The following HSPG2 variants were observed in gnomAD, a reference collection of about 807,000 sequenced individuals.
The protein encoded by HSPG2 is heparan sulfate proteoglycan 2, also known as basement membrane-specific heparan sulfate proteoglycan core protein.
A neutral mutation model predicts 526.6 loss-of-function variants in HSPG2; 278 were observed. The ratio of observed to expected loss-of-function variants is 0.53; its 90% CI spans 0.48 to 0.58. The LOEUF (loss-of-function observed/expected upper bound fraction) is 0.58. Ranked by LOEUF, HSPG2 falls within the 20% of genes least tolerant of loss-of-function variation. The pLI is 0.00. For synonymous variants in HSPG2, 2,465 were observed against 2,555.4 expected (o/e 0.96, Z 1.07); for missense variants, 5,354 against 6,099.5 (o/e 0.88, Z 4.07).
intron 50 of HSPG2, 73 bp downstream of exon 50, chr1:21,854,120 T>A: frequency 6.8e-7 from 1 of 1,465,614 alleles, no homozygotes; most frequent in Non-Finnish European, 9.2e-7. Context: ...CTGGTCCCAC[T>A]GAAGAAGCCA....
At chr1:21,920,638 T>C (rs2152797389) in intron 1 of HSPG2, among the ~76,000 whole-genome samples, 1 of 152,374 alleles carries the variant, frequency 6.6e-6, no homozygotes, top group Admixed American at 6.5e-5. Flanking sequence ...GCCTGCCTGC[T>C]TCACACATTC....
At position 21,838,997 on chromosome 1, in the gene HSPG2, G is replaced by A. The variant is rs2098038091; in HGVS notation, c.9978C>T (p.Pro3326=). 3 of 1,610,312 alleles carry A rather than the reference G, an allele frequency of 1.9e-6. No homozygotes were observed. The highest frequency in any genetic ancestry group is 2.5e-6 in the Non-Finnish European group (3 of 1,177,216). Residue 3326 remains proline (P), a synonymous_variant, in exon 74 of 97, where the codon CCC becomes CCT. Coordinates refer to ENST00000374695, the MANE Select transcript of HSPG2 (RefSeq NM_005529.7). ...CGCGGCTCCACTGGAAGGTGAGTGG[G>A]GGTGTCCCGTGAGCCAGGCACTGGA... ...VQLQCLAHGT[P]PLTFQWSRVG...
At position 21,843,297 on chromosome 1, in the gene HSPG2, C is replaced by A. The variant is rs775585114; in HGVS notation, c.8758G>T (p.Ala2920Ser). 8 of 1,614,000 alleles carry A rather than the reference C, an allele frequency of 5.0e-6. No homozygotes were observed. In the East Asian group the frequency reaches 6.7e-5, roughly 13 times the overall value. The change falls in exon 66 of 97, where the codon GCT becomes TCT. Residue 2920 changes from alanine (A) to serine (S), a missense_variant and splice_region_variant. Ala to Ser is a moderately conservative substitution (Grantham distance 99). Transcript: ENST00000374695. ...IEPSSPGPIP[A>S]PGLAQPIYIE... is the part of the protein sequence containing the mutation. ...TCGCCCACTGCTCCCTATCACTCAC[C>A]AGGAATGGGTCCTGGGCTGGAGGGC...
chr1:21,892,640 C>T (rs1642447778), intron 3 of HSPG2, among the ~76,000 whole-genome samples: 2 of 152,146 alleles, frequency 1.3e-5, no homozygotes, highest in African/African-American at 2.4e-5. Context: ...TTTGGGAGGC[C>T]GAGGCCGGCA....
At chr1:21,892,151 G>A (rs966470143) in intron 3 of HSPG2, among the ~76,000 whole-genome samples, 2 of 152,260 alleles carry the variant, frequency 1.3e-5, no homozygotes, top group Non-Finnish European at 2.9e-5. Context: ...CTTGCTCTGT[G>A]GCTCAGGTGA....
Position 21,895,522 on chromosome 1 carries a change from C to T in HSPG2, c.244+400G>A, listed in dbSNP as rs1572395149. Among the ~76,000 whole-genome samples the T allele has an allele frequency of 6.6e-6, 1 of 152,344 alleles. No homozygotes were observed. On this transcript the variant is annotated intron_variant, in intron 3 of 96. Coordinates refer to ENST00000374695, the MANE Select transcript of HSPG2 (RefSeq NM_005529.7). The surrounding 1 kb of genome is among the most constrained non-coding windows in gnomAD (Gnocchi z 4.1). The stretch of plus-strand genomic sequence containing the variant: ...CTGAATGCCCGATTCCACAGAGCCC[C>T]TCTGTTCCACTTGTCTTTGCCTGGG...
intron 1 of HSPG2, among the ~76,000 whole-genome samples, chr1:21,918,567 T>C (rs1643945268): frequency 6.6e-6 from 1 of 152,144 alleles, no homozygotes; most frequent in African/African-American, 2.4e-5. Context: ...GCCATATACT[T>C]GACAAACATT....
intron 26 of HSPG2, 59 bp from the exon 27 acceptor site, chr1:21,874,788 G>T (rs1640916418): frequency 6.6e-7 from 1 of 1,504,462 alleles, no homozygotes. Context: ...TCAGGTAGGG[G>T]CACTGGATGG....
At chr1:21,860,057 T>C in intron 40 of HSPG2, 55 bp from the exon 41 acceptor site, 2 of 1,601,024 alleles carry the variant, frequency 1.2e-6, no homozygotes, top group Non-Finnish European at 1.7e-6. Flanking sequence ...TCAATATCTC[T>C]GCTCTCCCAA....
chr1:21,905,277 A>G (rs1035752601), intron 1 of HSPG2, among the ~76,000 whole-genome samples: 1 of 143,844 alleles, frequency 7.0e-6, no homozygotes, highest in Non-Finnish European at 1.5e-5. Context: ...ACACACACAC[A>G]CACGCCACGC....
At position 21,880,672 on chromosome 1, in the gene HSPG2, T is replaced by C; in HGVS notation, c.1982A>G (p.Gln661Arg). The change falls in exon 15 of 97, where the codon CAG becomes CGG. Residue 661 changes from glutamine to arginine, a missense_variant. Transcript: ENST00000374695. The part of the protein sequence containing the change: ...PTQPGALNQR[Q>R]VQFSEEHWVH... Reference sequence around the variant, plus strand: ...GCCACCCACCTCAGAGAACTGGACCTGGCGCTGGTTCAGAGCACCAGGTTG... The same window carrying C: ...GCCACCCACCTCAGAGAACTGGACCCGGCGCTGGTTCAGAGCACCAGGTTG... 6.3e-7 allele frequency: 1 copy of C among 1,595,190 alleles called. No homozygotes were observed. Among genetic ancestry groups the C allele is most frequent in the African/African-American group, 1.3e-5 (1 of 74,768 alleles).
intron 38 of HSPG2, 32 bp from the exon 39 acceptor site, chr1:21,861,875 G>A (rs376952409): frequency 1.2e-6 from 2 of 1,613,532 alleles, no homozygotes; most frequent in African/African-American, 1.3e-5. Context: ...TCAGGTCATG[G>A]GAAGCCCAAT....
In HSPG2 at chr1:21,828,567, G is replaced by T; in HGVS notation, c.12238-141C>A. 1.0e-6 allele frequency: 1 copy of T among 953,200 alleles called. No homozygotes were observed. The highest frequency in any genetic ancestry group is 2.5e-5 in the East Asian group (1 of 39,406). 59.0% of individuals were successfully genotyped at this position (953,200 alleles called of 1,614,324 possible). A position where few individuals can be genotyped will look rare whatever the true frequency, so the allele number is the denominator to read the frequency against. Reference sequence around the variant, plus strand: ...TGGTAGCATGGATTCTCGGTGTGGGGAGGGAGGCGCAGGAGTTGAGTGCCT... The same window carrying T: ...TGGTAGCATGGATTCTCGGTGTGGGTAGGGAGGCGCAGGAGTTGAGTGCCT... On this transcript the variant is annotated intron_variant, in intron 88 of 96. Transcript: ENST00000374695. This position sits in a 1 kb window ranked among gnomAD's most constrained non-coding sequence, Gnocchi z 6.0.
intron 6 of HSPG2, chr1:21,889,714 GATAA>G (rs1332693272): frequency 3.9e-6 from 2 of 518,492 alleles, no homozygotes; most frequent in Non-Finnish European, 7.0e-6. Flanking sequence ...GGAAGTACAG[GATAA>G]ATAAAGGCCT....
At position 21,895,723 on chromosome 1, in the gene HSPG2, C is replaced by T. The variant is rs1174968852; in HGVS notation, c.244+199G>A. On this transcript the variant is annotated intron_variant, in intron 3 of 96. Coordinates refer to ENST00000374695, the MANE Select transcript of HSPG2 (RefSeq NM_005529.7). The surrounding 1 kb of genome is among the most constrained non-coding windows in gnomAD (Gnocchi z 4.1). ...CCTGTGCCTGTGGCATGGGCAAGCA[C>T]AGGACCTGGCCACACCAGCCTTGCA... 1.3e-5 allele frequency among the ~76,000 whole-genome samples: 2 copies of T among 152,210 alleles called. No homozygotes were observed. Among genetic ancestry groups the T allele is most frequent in the African/African-American group, 4.8e-5 (2 of 41,448 alleles).
In HSPG2 at chr1:21,873,366, C is replaced by T. The variant is rs1158082331; in HGVS notation, c.3793+9G>A. The T allele has an allele frequency of 1.2e-6, 2 of 1,614,216 alleles. No individual in the cohort carries two copies. Among genetic ancestry groups the T allele is most frequent in the East Asian group, 4.5e-5 (2 of 44,884 alleles). On this transcript the variant is annotated intron_variant, in intron 30 of 96. Transcript: ENST00000374695. Reference sequence around the variant, plus strand: ...ACCCGACCCCAATGACCTCCCCAATCCTACTCACTCTGGCATGGCTGGCCC... The same window carrying T: ...ACCCGACCCCAATGACCTCCCCAATTCTACTCACTCTGGCATGGCTGGCCC...
rs1465142019 is a variant in HSPG2, at chr1:21,890,098, C to A, written c.457G>T (p.Glu153Ter). ...WVFVELDVGS[E>*]GNADGAQIQE... is the part of the protein sequence containing the mutation. ...ATCTGAGCCCCATCCGCATTCCCTT[C>A]CGAGCCCACATCCAGCTCCACAAAA... is the stretch of plus-strand genomic sequence containing the variant. The change falls in exon 6 of 97, where the codon GAA becomes TAA. Residue 153 changes from glutamate (E) to a stop codon, truncating the protein, a stop_gained. Transcript: ENST00000374695. LOFTEE classifies it high-confidence loss of function. This position sits in a 1 kb window ranked among gnomAD's most constrained non-coding sequence, Gnocchi z 4.1. 6.2e-7 allele frequency: 1 copy of A among 1,614,128 alleles called. No individual in the cohort carries two copies. Among genetic ancestry groups the A allele is most frequent in the Admixed American group, 1.7e-5 (1 of 60,024 alleles).
In HSPG2 at chr1:21,885,036, C is replaced by G; in HGVS notation, c.1332G>C (p.Trp444Cys). The change falls in exon 11 of 97, where the codon TGG becomes TGC. Residue 444 changes from tryptophan (W) to cysteine (C), a missense_variant. Trp to Cys is a radical substitution (Grantham distance 215). Coordinates refer to ENST00000374695, the MANE Select transcript of HSPG2 (RefSeq NM_005529.7). ...ACCTGGGATGAGAGGGGATGTGGCC[C>G]CAGTTGAGCCTCCAATTGATGATGG... ...PTPIINWRLN[W>C]GHIPSHPRVT... 6.2e-7 allele frequency: 1 copy of G among 1,613,940 alleles called. No homozygotes were observed. Among genetic ancestry groups the G allele is most frequent in the Non-Finnish European group, 8.5e-7 (1 of 1,179,996 alleles).
intron 47 of HSPG2, 57 bp from the exon 48 acceptor site, chr1:21,855,040 G>A: frequency 6.3e-7 from 1 of 1,596,972 alleles, no homozygotes; most frequent in Middle Eastern, 2.0e-4. Context: ...CGGCTGGCCA[G>A]GGGGACAGAT....
Sources: allele counts gnomAD v4.1 joint callset (sites outside exome capture counted in the v4.1 genomes callset), GRCh38; gene constraint gnomAD v4.1.1; non-coding constraint Gnocchi (gnomAD v3.1); transcripts MANE v1.5; gene names NCBI Gene and HGNC (gene_info 2026-07-23, HGNC 2026-07-21).